CORIN: variants seen among roughly 807,000 people sequenced by gnomAD.
CORIN encodes the protein corin, serine peptidase, also known as atrial natriuretic peptide-converting enzyme.
CORIN carries 117 observed loss-of-function variants against 125.3 expected under a neutral mutation model. That is an observed-to-expected ratio of 0.93 (90% CI 0.80 to 1.09). CORIN has a LOEUF of 1.09. CORIN is among the 50% of genes least tolerant of loss of function. The pLI is 0.00. For synonymous variants in CORIN, 450 were observed against 466.4 expected (o/e 0.96, Z 0.45); for missense variants, 1,253 against 1,306.7 (o/e 0.96, Z 0.63).
intron 19 of CORIN, among the ~76,000 whole-genome samples, chr4:47,607,913 C>T (rs1471752850): frequency 6.7e-6 from 1 of 150,054 alleles, no homozygotes; most frequent in African/African-American, 2.5e-5. Flanking sequence ...TGCCACTGCA[C>T]TCCAGCCTGG....
chr4:47,690,563 C>T (rs1725720278), intron 6 of CORIN, among the ~76,000 whole-genome samples: 1 of 152,196 alleles, frequency 6.6e-6, no homozygotes, highest in South Asian at 2.1e-4. Context: ...CAGGCAAGTG[C>T]TTAGCTAGAG....
At chr4:47,680,277 T>G in intron 7 of CORIN, 26 bp from the exon 8 acceptor site, 2 of 1,548,550 alleles carry the variant, frequency 1.3e-6, no homozygotes, top group African/African-American at 2.7e-5. Flanking sequence ...CTCACGAGGA[T>G]GCAGAGAACC....
chr4:47,760,472 G>A (rs1729395350), intron 4 of CORIN, among the ~76,000 whole-genome samples: 1 of 152,146 alleles, frequency 6.6e-6, no homozygotes, highest in Non-Finnish European at 1.5e-5. Flanking sequence ...GTAAAGGCAT[G>A]GATTTATTTA....
chr4:47,641,999 C>G lies in CORIN; in HGVS notation c.2119G>C (p.Ala707Pro), dbSNP rs764059963. The change falls in exon 16 of 22, where the codon GCT becomes CCT. Residue 707 changes from alanine (A) to proline (P), a missense_variant. Coordinates refer to ENST00000273857, the MANE Select transcript of CORIN (RefSeq NM_006587.4). ...GCACACACATGGTGTTCTGTGGCAG[C>G]TCTGTGAACCATCAGAAAGGAAGAG... Reference protein sequence around the residue: ...NSSSFLMVHRAATEHHVCADG... With the variant: ...NSSSFLMVHRPATEHHVCADG... 1 of 1,613,496 alleles carries G rather than the reference C, an allele frequency of 6.2e-7. No individual in the cohort carries two copies. Among genetic ancestry groups the G allele is most frequent in the Non-Finnish European group, 8.5e-7 (1 of 1,179,670 alleles).
At chr4:47,837,422 C>T (rs1470586134) in intron 1 of CORIN, 2 of 243,590 alleles carry the variant, frequency 8.2e-6, no homozygotes. Context: ...ACCCGGCGCC[C>T]GAGACGCCGG....
chr4:47,692,535 T>C (rs945452873), intron 6 of CORIN, among the ~76,000 whole-genome samples: 9 of 151,736 alleles, frequency 5.9e-5, no homozygotes, highest in Non-Finnish European at 1.2e-4. Context: ...ATTGACTATC[T>C]CCAGGTTTGG....
chr4:47,807,017 T>C lies in CORIN; in HGVS notation c.94A>G (p.Asn32Asp). 1 of 1,613,860 alleles carries C rather than the reference T, an allele frequency of 6.2e-7. No individual in the cohort carries two copies. Among genetic ancestry groups the C allele is most frequent in the Non-Finnish European group, 8.5e-7 (1 of 1,179,922 alleles). The change falls in exon 2 of 22, where the codon AAT (asparagine) becomes GAT (aspartate). Residue 32 changes from asparagine (N) to aspartate (D), a missense_variant. Transcript: ENST00000273857. ...GTCGCCAGCTTCTGAGAGCAGCCAT[T>C]GCCCATGTTATTGTCATCAGCTCTC... Reference protein sequence around the residue: ...VLRADDNNMGNGCSQKLATAN... With the variant: ...VLRADDNNMGDGCSQKLATAN...
At chr4:47,758,487 T>C (rs1729295370) in intron 4 of CORIN, among the ~76,000 whole-genome samples, 1 of 152,018 alleles carries the variant, frequency 6.6e-6, no homozygotes, top group African/African-American at 2.4e-5. Flanking sequence ...ATCCCCAAGT[T>C]TGCATGGAAA....
intron 3 of CORIN, among the ~76,000 whole-genome samples, chr4:47,775,071 T>C (rs190397017): frequency 6.6e-6 from 1 of 152,334 alleles, no homozygotes; most frequent in Admixed American, 6.5e-5. Flanking sequence ...TTAGATTTCA[T>C]GTTTTCTTTT....
intron 9 of CORIN, among the ~76,000 whole-genome samples, chr4:47,676,203 G>GAC (rs1361376077): frequency 6.6e-6 from 1 of 152,144 alleles, no homozygotes; most frequent in Non-Finnish European, 1.5e-5. Flanking sequence ...AACCCATGCT[G>GAC]ACAATTATGT....
chr4:47,623,108 A>C (rs1722398104), intron 19 of CORIN, among the ~76,000 whole-genome samples: 1 of 134,202 alleles, frequency 7.5e-6, no homozygotes, highest in African/African-American at 3.2e-5. Flanking sequence ...ATATATATAT[A>C]TATATATATA....
intron 3 of CORIN, among the ~76,000 whole-genome samples, chr4:47,764,678 C>T (rs1370729454): frequency 6.6e-6 from 1 of 152,068 alleles, no homozygotes; most frequent in Non-Finnish European, 1.5e-5. Context: ...CCTATGTCTT[C>T]TGAGTAATTT....
At chr4:47,648,452 A>G (rs1723589549) in intron 13 of CORIN, among the ~76,000 whole-genome samples, 1 of 152,226 alleles carries the variant, frequency 6.6e-6, no homozygotes, top group Admixed American at 6.5e-5. Context: ...GACTGGTCAC[A>G]CTAAGTGTGC....
At chr4:47,622,004 C>G (rs1164392862) in intron 19 of CORIN, among the ~76,000 whole-genome samples, 1 of 92,456 alleles carries the variant, frequency 1.1e-5, no homozygotes, top group Non-Finnish European at 2.2e-5. Context: ...CCCCCCTCCC[C>G]CCACCCCACA....
In CORIN at chr4:47,779,425, CTTTTTTTTTTCTT is replaced by C. The variant is rs558784161; in HGVS notation, c.409+7287_409+7299del. On this transcript the variant is annotated intron_variant, in intron 3 of 21. Transcript: ENST00000273857. ...GCTCTGATCCTCTTAGCTGCATATTCTTTTTTTTTTCTTTTTTTTTTTTCTTTTTTAGATGGAG... is the reference window on the plus strand; with the variant it reads ...GCTCTGATCCTCTTAGCTGCATATTCTTTTTTTTTTCTTTTTTAGATGGAG... Among the ~76,000 whole-genome samples, 395 of 144,508 alleles carry C rather than the reference CTTTTTTTTTTCTT, an allele frequency of 2.7e-3. 1 individual carries two copies. Among genetic ancestry groups the C allele is most frequent in the Non-Finnish European group, 3.9e-3 (257 of 66,402 alleles). The allele number at this position is 144,508 out of a possible 152,430, so 94.8% of individuals were successfully genotyped here.
chr4:47,626,456 G>A lies in CORIN; in HGVS notation c.2264C>T (p.Ser755Phe), dbSNP rs758993145. The change falls in exon 17 of 22, where the codon TCC becomes TTC. Residue 755 changes from serine (S) to phenylalanine (F), a missense_variant. Physicochemically the swap from Ser to Phe is radical, Grantham distance 155. Coordinates refer to ENST00000273857, the MANE Select transcript of CORIN (RefSeq NM_006587.4). ...GGTCCCATTGAGGCTCTCCCAGTTG[G>A]AGTGTAATGTCAGCCACCGCGGCTC... The part of the protein sequence containing the change: ...EKEPRWLTLH[S>F]NWESLNGTTL... 6.2e-7 allele frequency: 1 copy of A among 1,614,018 alleles called. No homozygotes were observed. The highest frequency in any genetic ancestry group is 8.5e-7 in the Non-Finnish European group (1 of 1,179,904).
chr4:47,719,456 A>C (rs1028916762), intron 5 of CORIN, among the ~76,000 whole-genome samples: 1 of 152,250 alleles, frequency 6.6e-6, no homozygotes, highest in Admixed American at 6.5e-5. Context: ...TTTAAGCTGC[A>C]TTCTCACAAA....
intron 16 of CORIN, among the ~76,000 whole-genome samples, chr4:47,634,032 T>C (rs1161460586): frequency 1.3e-5 from 2 of 152,180 alleles, no homozygotes; most frequent in African/African-American, 2.4e-5. Context: ...AACTAAAAAA[T>C]CGGCATTTTA....
chr4:47,597,850 G>C (rs369562587), intron 21 of CORIN, among the ~76,000 whole-genome samples: 1 of 152,190 alleles, frequency 6.6e-6, no homozygotes, highest in Non-Finnish European at 1.5e-5. Context: ...ATAAGGCACT[G>C]TTTTTGTCCC....
Sources: allele counts gnomAD v4.1 joint callset (sites outside exome capture counted in the v4.1 genomes callset), GRCh38; gene constraint gnomAD v4.1.1; transcripts MANE v1.5; gene names NCBI Gene and HGNC (gene_info 2026-07-23, HGNC 2026-07-21).